The following UTY variants were observed in gnomAD, a reference collection of about 807,000 sequenced individuals.
UTY encodes histone demethylase UTY.
UTY carries 12 observed loss-of-function variants against 32.5 expected under a neutral mutation model. That is an observed-to-expected ratio of 0.37 (90% confidence interval 0.24 to 0.60). The LOEUF is 0.60. Among genes scored for constraint, UTY ranks in the 20% least tolerant of loss-of-function variants. The pLI is 0.69. For missense variants in UTY, 303 were observed against 299.2 expected, an observed-to-expected ratio of 1.01 and a Z score of -0.09; for synonymous variants, 131 against 103.4, an observed-to-expected ratio of 1.27 and a Z score of -1.62.
intron 27 of UTY, among the ~76,000 whole-genome samples, chrY:13,281,748 T>C (rs2057023829): frequency 3.0e-5 from 1 of 32,867 alleles, no homozygotes; most frequent in African/African-American, 1.2e-4. Flanking sequence ...GATATACATA[T>C]ATGTATATAT....
At chrY:13,288,916 AG>A (rs2057589269) in intron 27 of UTY, among the ~76,000 whole-genome samples, 1 of 33,614 alleles carries the variant, frequency 3.0e-5, no homozygotes, top group Non-Finnish European at 7.4e-5. Flanking sequence ...CAAGTAGTTG[AG>A]GATATAGTTA....
intron 17 of UTY, 23 bp from the exon 18 acceptor site, chrY:13,336,358 T>G (rs1473213890): frequency 2.7e-6 from 1 of 373,111 alleles, no homozygotes; most frequent in South Asian, 3.1e-5. Context: ...AATTGAAATT[T>G]AATATCATGG....
At chrY:13,425,785 T>C in intron 4 of UTY, among the ~76,000 whole-genome samples, 1 of 34,162 alleles carries the variant, frequency 2.9e-5, no homozygotes, top group Non-Finnish European at 7.3e-5. Context: ...AGTTTGTTCC[T>C]GTCCAATGTT....
chrY:13,304,507 G>T (rs2058550409), intron 24 of UTY, among the ~76,000 whole-genome samples: 1 of 32,878 alleles, frequency 3.0e-5, no homozygotes, highest in South Asian at 6.7e-4. Context: ...AACCCAAAAA[G>T]AAAATAACTC....
At chrY:13,237,426 G>A (rs745552971) in intron 28 of UTY, among the ~76,000 whole-genome samples, 2 of 33,667 alleles carry the variant, frequency 5.9e-5, no homozygotes, top group African/African-American at 2.3e-4. Context: ...AATTAGGTGA[G>A]GCAGCCTGCT....
At chrY:13,450,008 T>C (rs923039065) in intron 3 of UTY, among the ~76,000 whole-genome samples, 1 of 33,502 alleles carries the variant, frequency 3.0e-5, no homozygotes, top group African/African-American at 1.2e-4. Context: ...GGTAAGCCTA[T>C]TGAGGAAATC....
intron 4 of UTY, among the ~76,000 whole-genome samples, chrY:13,437,263 G>A (rs2074696013): frequency 3.0e-5 from 1 of 32,825 alleles, no homozygotes. Flanking sequence ...TCAGAGAGAC[G>A]TGGGCACAAA....
At chrY:13,408,549 T>C in intron 6 of UTY, among the ~76,000 whole-genome samples, 1 of 32,399 alleles carries the variant, frequency 3.1e-5, no homozygotes, top group African/African-American at 1.2e-4. Context: ...ATAGATTCCA[T>C]CTTTAGCTAT....
chrY:13,357,427 C>T (rs2063043201), intron 15 of UTY, among the ~76,000 whole-genome samples: 1 of 31,770 alleles, frequency 3.1e-5, no homozygotes, highest in Non-Finnish European at 7.6e-5. Context: ...GTGAAGCATG[C>T]CTATAGTACC....
chrY:13,386,522 C>T (rs2066799279), intron 8 of UTY, among the ~76,000 whole-genome samples: 2 of 33,051 alleles, frequency 6.1e-5, no homozygotes, highest in Non-Finnish European at 1.5e-4. Context: ...AAAACTGGAT[C>T]TGGCTTACCT....
chrY:13,303,999 T>C (rs2058528456), intron 24 of UTY, among the ~76,000 whole-genome samples: 3 of 32,990 alleles, frequency 9.1e-5, no homozygotes, highest in South Asian at 1.3e-3. Flanking sequence ...AGGTCAATGA[T>C]TTAGATATGA....
intron 8 of UTY, among the ~76,000 whole-genome samples, chrY:13,386,092 A>AT (rs1416950038): frequency 2.1e-3 from 35 of 16,447 alleles, no homozygotes; most frequent in South Asian, 9.6e-3. Flanking sequence ...AGTCTATTTC[A>AT]TTTTTTTTTT....
In UTY at chrY:13,302,860, T is replaced by C; in HGVS notation, c.3680+17A>G. Reference sequence around the variant, plus strand: ...TTCTCATAGTTACTTAAATGAAAGTTTAGTTCAGAAACCTACTTTTCACAG... The same window carrying C: ...TTCTCATAGTTACTTAAATGAAAGTCTAGTTCAGAAACCTACTTTTCACAG... On this transcript the variant is annotated intron_variant, in intron 25 of 29. Transcript: ENST00000545955. 3.1e-6 allele frequency: 1 copy of C among 324,915 alleles called. No individual in the cohort carries two copies. Among genetic ancestry groups the C allele is most frequent in the Non-Finnish European group, 4.6e-6 (1 of 216,842 alleles). 81.0% of individuals were successfully genotyped at this position (324,915 alleles called of 400,897 possible).
At chrY:13,427,535 G>C in intron 4 of UTY, among the ~76,000 whole-genome samples, 3 of 33,427 alleles carry the variant, frequency 9.0e-5, no homozygotes, top group African/African-American at 3.5e-4. Flanking sequence ...AAGGAGGCAA[G>C]AGTAGCTTTA....
In UTY at chrY:13,284,914, G is replaced by A. The variant is rs769189681; in HGVS notation, c.4010+12793C>T. On this transcript the variant is annotated intron_variant, in intron 27 of 29. Coordinates refer to ENST00000545955, the MANE Select transcript of UTY (RefSeq NM_001258249.2). ...CCCTGATTGTCCCCCTTCCGCTAAG[G>A]TGGTCCTCCAGTCGACCAGGTGTGG... Among the ~76,000 whole-genome samples the A allele has an allele frequency of 8.7e-5, 3 of 34,526 alleles. No homozygotes were observed. In the East Asian group the frequency reaches 2.3e-3, roughly 26 times the overall value. The allele number at this position is 34,526 out of a possible 37,273, so 92.6% of individuals were successfully genotyped here. A position where few individuals can be genotyped will look rare whatever the true frequency, so the allele number is the denominator to read the frequency against.
chrY:13,457,232 A>G, intron 3 of UTY, among the ~76,000 whole-genome samples: 1 of 33,550 alleles, frequency 3.0e-5, no homozygotes, highest in Non-Finnish European at 7.4e-5. Context: ...AGCTCTTATG[A>G]TACAAAGTCA....
At chrY:13,411,703 A>G (rs2070973342) in intron 5 of UTY, among the ~76,000 whole-genome samples, 1 of 32,640 alleles carries the variant, frequency 3.1e-5, no homozygotes, top group East Asian at 8.1e-4. Flanking sequence ...GATGTCCTGG[A>G]TGGTCATGAA....
Position 13,355,392 on chromosome Y carries a change from G to A in UTY, c.1672C>T (p.His558Tyr). Residue 558 changes from histidine (H) to tyrosine (Y), a missense_variant, in exon 17 of 30, where the codon CAC (histidine) becomes TAC (tyrosine). Physicochemically the swap from His to Tyr is moderately conservative, Grantham distance 83. Coordinates refer to ENST00000545955, the MANE Select transcript of UTY (RefSeq NM_001258249.2). ...SQFVLMQQMRHKEVAQVRTTG... is the reference protein window; with the variant it reads ...SQFVLMQQMRYKEVAQVRTTG... ...GTTCGTACCTGAGCAACTTCTTTGT[G>A]TCTCATCTTCAAAAACAAAAAAGAA... is the stretch of plus-strand genomic sequence containing the variant. 2.5e-6 allele frequency: 1 copy of A among 398,070 alleles called. No homozygotes were observed. Among genetic ancestry groups the A allele is most frequent in the Non-Finnish European group, 3.5e-6 (1 of 283,282 alleles).
intron 5 of UTY, among the ~76,000 whole-genome samples, chrY:13,413,393 C>T: frequency 2.9e-5 from 1 of 34,047 alleles, no homozygotes; most frequent in Non-Finnish European, 7.4e-5. Context: ...GGGTGCCAGG[C>T]CAGCCCAGGA....
Sources: allele counts gnomAD v4.1 joint callset (sites outside exome capture counted in the v4.1 genomes callset), GRCh38; gene constraint gnomAD v4.1.1; transcripts MANE v1.5; gene names NCBI Gene and HGNC (gene_info 2026-07-23, HGNC 2026-07-21).